The following ZNF221 variants were observed in gnomAD, a reference collection of about 807,000 sequenced individuals.
ZNF221 encodes zinc finger protein 221.
In ZNF221, 10 loss-of-function variants were observed where a neutral mutation model predicts 12.6. The observed-to-expected ratio is 0.79, with a 90% CI of 0.49 to 1.34. The LOEUF is 1.34. Among genes scored for constraint, ZNF221 ranks in the 40% most tolerant of loss-of-function variants. The probability of loss-of-function intolerance (pLI) is 0.00; values close to 1 mark genes in which losing one functional copy is unlikely to be tolerated. For synonymous variants in ZNF221, 232 were observed against 244.0 expected (o/e 0.95, Z 0.46); for missense variants, 661 against 721.4 (o/e 0.92, Z 0.96).
chr19:43,975,005 C>T, the ZNF221 span, among the ~76,000 whole-genome samples: 2 of 149,130 alleles, frequency 1.3e-5, no homozygotes, highest in Non-Finnish European at 3.0e-5. Flanking sequence ...GCCTGGGCAA[C>T]AGTGAAACTG....
intron 1 of ZNF221, among the ~76,000 whole-genome samples, chr19:43,958,151 A>G (rs1305645644): frequency 6.6e-6 from 1 of 152,240 alleles, no homozygotes; most frequent in Non-Finnish European, 1.5e-5. Flanking sequence ...AATTTGGCCC[A>G]GTTAAACAGG....
In ZNF221 at chr19:43,965,934, T is replaced by C. The variant is rs909416798; in HGVS notation, c.432T>C (p.Ser144=). Residue 144 remains serine (S), a synonymous_variant, in exon 5 of 5, where the codon TCT becomes TCC. Coordinates refer to ENST00000587682, the MANE Select transcript of ZNF221 (RefSeq NM_001297588.2). The part of the protein sequence containing the change: ...TRSQNSIRNS[S]QFFKEGDVPC... ...CTCAAAACTCCATAAGGAACAGCTC[T>C]CAGTTCTTCAAAGAAGGTGATGTCC... is the stretch of plus-strand genomic sequence containing the variant. 5.6e-6 allele frequency: 9 copies of C among 1,614,210 alleles called. No homozygotes were observed. The highest frequency in any genetic ancestry group is 7.6e-6 in the Non-Finnish European group (9 of 1,180,030).
At chr19:43,962,597 G>A in intron 1 of ZNF221, 128 bp from the exon 2 acceptor site, 3 of 882,630 alleles carry the variant, frequency 3.4e-6, no homozygotes, top group Non-Finnish European at 5.6e-6. Flanking sequence ...CTTGTTTGCA[G>A]TTTGGGGTTA....
intron 1 of ZNF221, among the ~76,000 whole-genome samples, chr19:43,953,090 C>T (rs1974700137): frequency 6.6e-6 from 1 of 151,992 alleles, no homozygotes; most frequent in Non-Finnish European, 1.5e-5. Flanking sequence ...CCTTAGCCTC[C>T]CAAGTAGCTG....
In ZNF221 at chr19:43,966,270, T is replaced by C; in HGVS notation, c.768T>C (p.Cys256=). ...ATACTGGAGAGAAACCATTCAAATG[T>C]GGGCAATGTGGGAAAGGCTTCCATA... ...RVHTGEKPFK[C]GQCGKGFHSR... is the part of the protein sequence containing the mutation. Residue 256 remains cysteine, a synonymous_variant, in exon 5 of 5, where the codon TGT becomes TGC. Coordinates refer to ENST00000587682, the MANE Select transcript of ZNF221 (RefSeq NM_001297588.2). The C allele has an allele frequency of 6.2e-7, 1 of 1,614,070 alleles. No homozygotes were observed. The highest frequency in any genetic ancestry group is 8.5e-7 in the Non-Finnish European group (1 of 1,179,924).
chr19:43,981,226 CTA>C, the ZNF221 span, among the ~76,000 whole-genome samples: 4 of 152,166 alleles, frequency 2.6e-5, no homozygotes, highest in South Asian at 2.1e-4. Flanking sequence ...TAAATTAAAA[CTA>C]AATTTAAATA....
At chr19:43,952,249 G>A (rs1040893902) in intron 1 of ZNF221, among the ~76,000 whole-genome samples, 1 of 152,126 alleles carries the variant, frequency 6.6e-6, no homozygotes, top group Non-Finnish European at 1.5e-5. Flanking sequence ...TGACCGTTTT[G>A]TCAAGAGTGG....
chr19:43,980,447 G>A, the ZNF221 span, among the ~76,000 whole-genome samples: 3 of 152,174 alleles, frequency 2.0e-5, no homozygotes, highest in Non-Finnish European at 2.9e-5. Flanking sequence ...CCATTAACCC[G>A]TGTGACTATG....
At chr19:43,973,247 C>T in the ZNF221 span, among the ~76,000 whole-genome samples, 4 of 152,034 alleles carry the variant, frequency 2.6e-5, no homozygotes. Context: ...AGGAACATAC[C>T]TCAAAATAAT....
chr19:43,966,563 A>G lies in ZNF221; in HGVS notation c.1061A>G (p.Asn354Ser). Residue 354 changes from asparagine to serine, a missense_variant, in exon 5 of 5, where the codon AAT becomes AGT. By Grantham distance (46) the Asn-to-Ser change is conservative (BLOSUM62 1). Coordinates refer to ENST00000587682, the MANE Select transcript of ZNF221 (RefSeq NM_001297588.2). ...AACTTTCGTCAGAGATCAGCACTTA[A>G]TAGTCATTCCATGGTCCACATAGAA... The part of the protein sequence containing the change: ...GKNFRQRSAL[N>S]SHSMVHIEEK... The G allele has an allele frequency of 5.0e-6, 8 of 1,614,188 alleles. No individual in the cohort carries two copies. Among genetic ancestry groups the G allele is most frequent in the Non-Finnish European group, 6.8e-6 (8 of 1,180,014 alleles).
At position 43,967,006 on chromosome 19, in the gene ZNF221, G is replaced by A. The variant is rs764719648; in HGVS notation, c.1504G>A (p.Gly502Arg). 2.5e-5 allele frequency: 40 copies of A among 1,613,788 alleles called. No homozygotes were observed. The highest frequency in any genetic ancestry group is 1.6e-4 in the Middle Eastern group (1 of 6,082). The change falls in exon 5 of 5, where the codon GGG (glycine) becomes AGG (arginine). Residue 502 changes from glycine to arginine, a missense_variant. Transcript: ENST00000587682. Reference protein sequence around the residue: ...CLLKHQRLHSGEKPFKCEECG... With the variant: ...CLLKHQRLHSREKPFKCEECG... ...TTTGAAACATCAGAGACTCCACAGT[G>A]GGGAAAAACCTTTCAAATGTGAAGA... is the stretch of plus-strand genomic sequence containing the variant.
chr19:43,965,811 G>T lies in ZNF221; in HGVS notation c.309G>T (p.Lys103Asn). 1 of 1,586,156 alleles carries T rather than the reference G, an allele frequency of 6.3e-7. No homozygotes were observed. Among genetic ancestry groups the T allele is most frequent in the Non-Finnish European group, 8.6e-7 (1 of 1,165,866 alleles). ...TSQREGNSGG[K>N]IQIEMETVPE... The stretch of plus-strand genomic sequence containing the variant: ...AATTCTGTGTCTTTTTAGGAGGCAA[G>T]ATCCAAATTGAGATGGAGACTGTTC... Residue 103 changes from lysine to asparagine, a missense_variant, in exon 5 of 5, where the codon AAG becomes AAT. Lys to Asn is a moderately conservative substitution (Grantham distance 94). Transcript: ENST00000587682.
intron 1 of ZNF221, among the ~76,000 whole-genome samples, chr19:43,953,139 C>A (rs535563873): frequency 1.3e-4 from 19 of 151,938 alleles, no homozygotes; most frequent in African/African-American, 4.6e-4. Context: ...TTAGTAAAGA[C>A]GAGTTTTCAC....
chr19:43,951,263 G>A lies in ZNF221; in HGVS notation c.-140G>A, dbSNP rs1298929272. 6.6e-6 allele frequency: 1 copy of A among 152,212 alleles called. No individual in the cohort carries two copies. The highest frequency in any genetic ancestry group is 1.5e-5 in the Non-Finnish European group (1 of 68,048). 9.4% of individuals were successfully genotyped at this position (152,212 alleles called of 1,614,324 possible). ...TGGAGTCGCGGGAGCTACGGCTGCG[G>A]GAGTTACCCTTTATTCTGTGATATT... is the stretch of plus-strand genomic sequence containing the variant. On this transcript the variant is annotated 5_prime_UTR_variant, in exon 1 of 5. Coordinates refer to ENST00000587682, the MANE Select transcript of ZNF221 (RefSeq NM_001297588.2).
At chr19:43,977,137 GGTTT>G in the ZNF221 span, 2 of 151,996 alleles carry the variant, frequency 1.3e-5, no homozygotes, top group Non-Finnish European at 2.9e-5. Context: ...TGTGTTTCTG[GGTTT>G]GTTTATTTGG....
chr19:43,980,265 T>C, the ZNF221 span, among the ~76,000 whole-genome samples: 2 of 152,232 alleles, frequency 1.3e-5, no homozygotes, highest in South Asian at 4.1e-4. Context: ...AGGAGGATTC[T>C]CTTGCAAGTA....
intron 1 of ZNF221, among the ~76,000 whole-genome samples, chr19:43,960,574 G>A (rs998131141): frequency 1.8e-4 from 27 of 152,318 alleles, no homozygotes; most frequent in Admixed American, 1.6e-3. Context: ...CCCATCACAG[G>A]CCTAGGGGCC....
rs368245243 is a variant in ZNF221, at chr19:43,966,528, A to G, written c.1026A>G (p.Thr342=). ...GAGAAAAACCATTCAGATGTGATAC[A>G]TGTGGCAAGAACTTTCGTCAGAGAT... ...HTGEKPFRCD[T]CGKNFRQRSA... Residue 342 remains threonine (T), a synonymous_variant, in exon 5 of 5, where the codon ACA becomes ACG. Transcript: ENST00000587682. 10 of 1,614,074 alleles carry G rather than the reference A, an allele frequency of 6.2e-6. No homozygotes were observed. In the African/African-American group the frequency reaches 1.1e-4, roughly 17 times the overall value.
chr19:43,956,542 G>A (rs1240550327), intron 1 of ZNF221, among the ~76,000 whole-genome samples: 1 of 133,074 alleles, frequency 7.5e-6, no homozygotes, highest in Non-Finnish European at 1.6e-5. Flanking sequence ...GAGTCAGCAG[G>A]AGGGGATTGA....
Sources: gnomAD v4.1 joint callset for allele counts (sites outside exome capture counted in the v4.1 genomes callset) on GRCh38, gnomAD v4.1.1 for gene constraint, MANE v1.5 for transcripts, NCBI Gene and HGNC (gene_info 2026-07-23, HGNC 2026-07-21) for gene names.